Variants in PCDH15 observed in about 807,000 individuals in gnomAD.
PCDH15 encodes protocadherin related 15.
A neutral mutation model predicts 178.5 loss-of-function variants in PCDH15; 129 were observed. That is an observed-to-expected ratio of 0.72 (90% CI 0.63 to 0.84). The LOEUF is 0.84. Among genes scored for constraint, PCDH15 ranks in the 40% least tolerant of loss-of-function variants. The pLI, the probability that PCDH15 is intolerant of heterozygous loss-of-function variation, is 0.00. For synonymous variants in PCDH15, 800 were observed against 732.0 expected, an observed-to-expected ratio of 1.09 and a Z score of -1.50; for missense variants, 2,230 against 2,099.9, an observed-to-expected ratio of 1.06 and a Z score of -1.21.
intron 3 of PCDH15, among the ~76,000 whole-genome samples, chr10:54,433,316 T>C (rs1957175316): frequency 6.6e-6 from 1 of 152,166 alleles, no homozygotes; most frequent in Admixed American, 6.5e-5. Flanking sequence ...GGAGGCAAAG[T>C]GTCCATCAAT....
intron 3 of PCDH15, among the ~76,000 whole-genome samples, chr10:54,812,772 T>C (rs1952886652): frequency 6.6e-6 from 1 of 152,112 alleles, no homozygotes; most frequent in Non-Finnish European, 1.5e-5. Context: ...AAAATATTAT[T>C]ATTTTTCGTA....
At chr10:55,514,804 A>G (rs558520302) in intron 2 of PCDH15, among the ~76,000 whole-genome samples, 1 of 152,122 alleles carries the variant, frequency 6.6e-6, no homozygotes, top group African/African-American at 2.4e-5. Flanking sequence ...AATATTTTTA[A>G]GTTTTATGGC....
At chr10:53,899,689 T>C (rs983201870) in intron 26 of PCDH15, among the ~76,000 whole-genome samples, 2 of 152,206 alleles carry the variant, frequency 1.3e-5, no homozygotes, top group African/African-American at 4.8e-5. Flanking sequence ...TTCCCATTTT[T>C]AAAATCATCT....
In PCDH15 at chr10:55,247,270, ATGGGAAAATAAAAC is replaced by A. The variant is rs1447202528; in HGVS notation, c.-156+72315_-156+72328del. 4.0e-3 allele frequency among the ~76,000 whole-genome samples: 607 copies of A among 152,286 alleles called. 5 individuals carry two copies. Among genetic ancestry groups the A allele is most frequent in the African/African-American group, 0.014 (568 of 41,548 alleles). On this transcript the variant is annotated intron_variant, in intron 1 of 5. Coordinates refer to the PCDH15 transcript ENST00000458638. ...CCTATAGGTAGTTCTAGTTTTCATAATGGGAAAATAAAACTGGTGTAGAAATCCTACGTACATAT... is the reference window on the plus strand; with the variant it reads ...CCTATAGGTAGTTCTAGTTTTCATAATGGTGTAGAAATCCTACGTACATAT...
Position 53,990,220 on chromosome 10 carries a change from G to C in PCDH15, c.2868+5429C>G, listed in dbSNP as rs144854263. ...GACAGATGGGTGTTGAAACCCCTTT[G>C]CAAATAATTCCTCAGGTAGCTCTTC... On this transcript the variant is annotated intron_variant, in intron 21 of 37. Transcript: ENST00000644397. Among the ~76,000 whole-genome samples the C allele has an allele frequency of 3.1e-3, 465 of 152,096 alleles. 2 individuals carry two copies. The highest frequency in any genetic ancestry group is 0.011 in the African/African-American group (436 of 41,482).
At chr10:54,434,207 A>T (rs954823442) in intron 3 of PCDH15, among the ~76,000 whole-genome samples, 8 of 152,168 alleles carry the variant, frequency 5.3e-5, no homozygotes, top group African/African-American at 1.9e-4. Context: ...ATAAAAGTTT[A>T]TTAAGTAAAG....
chr10:54,324,625 G>A (rs1591803065), intron 7 of PCDH15, among the ~76,000 whole-genome samples: 1 of 152,038 alleles, frequency 6.6e-6, no homozygotes, highest in East Asian at 1.9e-4. Flanking sequence ...AAATTAGCTG[G>A]GAGTGGTGGC....
At chr10:55,220,875 T>C (rs1218341219) in intron 1 of PCDH15, among the ~76,000 whole-genome samples, 1 of 152,096 alleles carries the variant, frequency 6.6e-6, no homozygotes, top group Non-Finnish European at 1.5e-5. Context: ...TTTTGTTTTC[T>C]ACAGATTCCT....
chr10:54,743,574 C>T (rs1381930323), intron 1 of PCDH15, among the ~76,000 whole-genome samples: 2 of 151,848 alleles, frequency 1.3e-5, no homozygotes, highest in Admixed American at 6.6e-5. Context: ...TACGAATACA[C>T]TAAAGTACAG....
chr10:54,918,600 A>AT (rs1309474728), intron 2 of PCDH15, among the ~76,000 whole-genome samples: 1 of 152,170 alleles, frequency 6.6e-6, no homozygotes, highest in Non-Finnish European at 1.5e-5. Flanking sequence ...ACTGTCATTA[A>AT]TATGGTAATT....
At chr10:54,874,094 G>T (rs1954091894) in intron 3 of PCDH15, among the ~76,000 whole-genome samples, 1 of 57,898 alleles carries the variant, frequency 1.7e-5, no homozygotes, top group Non-Finnish European at 3.2e-5. Flanking sequence ...CTAGCATTAG[G>T]TATATCTCCC....
At chr10:54,821,547 T>G (rs1953040865) in intron 3 of PCDH15, among the ~76,000 whole-genome samples, 1 of 152,104 alleles carries the variant, frequency 6.6e-6, no homozygotes, top group African/African-American at 2.4e-5. Context: ...AAAATATTTT[T>G]TACAAATAAG....
intron 3 of PCDH15, among the ~76,000 whole-genome samples, chr10:54,514,304 T>C (rs1374724305): frequency 6.6e-6 from 1 of 152,124 alleles, no homozygotes; most frequent in East Asian, 1.9e-4. Context: ...TATAATAATG[T>C]TCACACAGCT....
At chr10:55,489,219 C>T (rs1469024711) in intron 2 of PCDH15, among the ~76,000 whole-genome samples, 1 of 151,370 alleles carries the variant, frequency 6.6e-6, no homozygotes, top group Non-Finnish European at 1.5e-5. Flanking sequence ...CAATGCATTA[C>T]CTATCTTTCA....
intron 2 of PCDH15, among the ~76,000 whole-genome samples, chr10:55,111,148 C>T (rs1837491336): frequency 6.6e-6 from 1 of 152,104 alleles, no homozygotes; most frequent in Admixed American, 6.5e-5. Flanking sequence ...AATAAGAAAA[C>T]AGCTCTGTAG....
intron 28 of PCDH15, among the ~76,000 whole-genome samples, chr10:53,854,762 C>G (rs906849061): frequency 3.3e-5 from 5 of 152,090 alleles, no homozygotes; most frequent in African/African-American, 9.6e-5. Flanking sequence ...TTCTATTGTC[C>G]TAGATACATT....
rs1565887701 is a variant in PCDH15, at chr10:54,664,171, C to T, written c.91+1G>A. On this transcript the variant is annotated splice_donor_variant, in intron 2 of 37. Transcript: ENST00000644397. LOFTEE classifies it high-confidence loss of function. ...AAAGGTCAAGCTAAAAGCAACCTTACCATCATCATACTGGCCCAAGCAGAT... is the reference window on the plus strand; with the variant it reads ...AAAGGTCAAGCTAAAAGCAACCTTATCATCATCATACTGGCCCAAGCAGAT... 1.2e-6 allele frequency: 2 copies of T among 1,610,704 alleles called. No homozygotes were observed. The highest frequency in any genetic ancestry group is 1.7e-6 in the Non-Finnish European group (2 of 1,177,682).
At chr10:53,828,802 TAAAG>T (rs541783653) in intron 30 of PCDH15, among the ~76,000 whole-genome samples, 10 of 152,010 alleles carry the variant, frequency 6.6e-5, no homozygotes, top group Non-Finnish European at 1.5e-4. Flanking sequence ...AACAGAAAAA[TAAAG>T]AAATGAACTA....
chr10:54,027,552 T>G (rs1303035582), intron 18 of PCDH15, among the ~76,000 whole-genome samples: 2 of 149,642 alleles, frequency 1.3e-5, no homozygotes, highest in Non-Finnish European at 3.0e-5. Context: ...ACTACAAGGC[T>G]ACAGTAACCA....
Sources: allele counts gnomAD v4.1 joint callset (sites outside exome capture counted in the v4.1 genomes callset), GRCh38; gene constraint gnomAD v4.1.1; transcripts MANE v1.5; gene names NCBI Gene and HGNC (gene_info 2026-07-23, HGNC 2026-07-21).